Variants in ST8SIA1 observed in about 807,000 individuals in gnomAD.
ST8SIA1 encodes alpha-N-acetylneuraminide alpha-2,8-sialyltransferase.
A neutral mutation model predicts 35.9 loss-of-function variants in ST8SIA1; 16 were observed. The ratio of observed to expected loss-of-function variants is 0.45; its 90% CI spans 0.30 to 0.68. ST8SIA1 has a LOEUF of 0.68. Ranked by LOEUF, ST8SIA1 falls within the 30% of genes least tolerant of loss-of-function variation. ST8SIA1 has a pLI of 0.09. For synonymous variants in ST8SIA1, 170 were observed against 169.6 expected, an observed-to-expected ratio of 1.00 and a Z score of -0.02; for missense variants, 383 against 453.6, an observed-to-expected ratio of 0.84 and a Z score of 1.41.
At chr12:22,331,141 G>A (rs1242569906) in intron 1 of ST8SIA1, among the ~76,000 whole-genome samples, 1 of 152,180 alleles carries the variant, frequency 6.6e-6, no homozygotes, top group Non-Finnish European at 1.5e-5. Flanking sequence ...GTAAATGGAA[G>A]CACAGAGGGC....
At chr12:22,284,165 T>C (rs904975751) in intron 2 of ST8SIA1, among the ~76,000 whole-genome samples, 1 of 144,434 alleles carries the variant, frequency 6.9e-6, no homozygotes, top group East Asian at 2.0e-4. Context: ...TGCATCTTTG[T>C]ACCAACGACA....
chr12:22,198,407 A>G lies in ST8SIA1; in HGVS notation c.*3145T>C, dbSNP rs1221516248. ...AAACAAAGAAAGATAATGGGAGCTT[A>G]GAATTGAAGATCTTAATAATAGAGT... On this transcript the variant is annotated 3_prime_UTR_variant, in exon 5 of 5. Coordinates refer to ENST00000396037, the MANE Select transcript of ST8SIA1 (RefSeq NM_003034.4). The G allele has an allele frequency of 6.6e-6, 1 of 152,090 alleles. No homozygotes were observed. Among genetic ancestry groups the G allele is most frequent in the Non-Finnish European group, 1.5e-5 (1 of 68,014 alleles). The allele number at this position is 152,090 out of a possible 1,614,324, so 9.4% of individuals were successfully genotyped here.
At chr12:22,266,458 T>C (rs1865849618) in intron 2 of ST8SIA1, among the ~76,000 whole-genome samples, 1 of 151,632 alleles carries the variant, frequency 6.6e-6, no homozygotes, top group Middle Eastern at 3.4e-3. Flanking sequence ...GCCTTTATTG[T>C]TTCTCAGACA....
intron 1 of ST8SIA1, among the ~76,000 whole-genome samples, chr12:22,317,903 T>C (rs1866540433): frequency 6.6e-6 from 1 of 152,226 alleles, no homozygotes; most frequent in East Asian, 1.9e-4. Flanking sequence ...TAGACACAGC[T>C]GTAAAAATTC....
chr12:22,306,408 T>C (rs1866383636), intron 1 of ST8SIA1, among the ~76,000 whole-genome samples: 1 of 152,208 alleles, frequency 6.6e-6, no homozygotes, highest in African/African-American at 2.4e-5. Context: ...ATCTATTTCT[T>C]TCTTGAGAAA....
chr12:22,316,916 G>GAA (rs142418174), intron 1 of ST8SIA1, among the ~76,000 whole-genome samples: 22 of 149,754 alleles, frequency 1.5e-4, no homozygotes, highest in Non-Finnish European at 3.0e-4. Context: ...TCAGTATCGG[G>GAA]AAAAAAAAAC....
At chr12:22,202,127 A>C in intron 4 of ST8SIA1, 89 bp from the exon 5 acceptor site, 1 of 1,154,838 alleles carries the variant, frequency 8.7e-7, no homozygotes, top group Non-Finnish European at 1.2e-6. Context: ...TGGCCCTGAT[A>C]CCTCAAATCA....
intron 1 of ST8SIA1, among the ~76,000 whole-genome samples, chr12:22,323,535 A>G (rs980801347): frequency 6.6e-6 from 1 of 152,234 alleles, no homozygotes; most frequent in African/African-American, 2.4e-5. Flanking sequence ...AAATCATTCT[A>G]TTATAAAGAT....
rs541985051 is a variant in ST8SIA1 at position 22,315,482 on chromosome 12, T to A, written c.236+18515A>T. Among the ~76,000 whole-genome samples, 6 of 152,294 alleles carry A rather than the reference T, an allele frequency of 3.9e-5. No homozygotes were observed. In the East Asian group the frequency reaches 1.2e-3, roughly 29 times the overall value. ...CCTTTCTGAGCAGAACATCTATTTT[T>A]CCTCTTGCTTTCCATTTCCCCACAA... On this transcript the variant is annotated intron_variant, in intron 1 of 4. Transcript: ENST00000396037.
intron 2 of ST8SIA1, among the ~76,000 whole-genome samples, chr12:22,263,113 A>G (rs1464612359): frequency 6.6e-6 from 1 of 152,170 alleles, no homozygotes; most frequent in Non-Finnish European, 1.5e-5. Context: ...TATTTATGAG[A>G]ATTGAGTGCT....
chr12:22,247,901 A>G (rs189169836), intron 4 of ST8SIA1, among the ~76,000 whole-genome samples: 1 of 152,292 alleles, frequency 6.6e-6, no homozygotes, highest in Admixed American at 6.5e-5. Flanking sequence ...AAAAAATACA[A>G]AGGAGCAGAA....
intron 1 of ST8SIA1, among the ~76,000 whole-genome samples, chr12:22,287,852 G>A (rs1051296244): frequency 3.9e-5 from 6 of 152,194 alleles, no homozygotes; most frequent in Non-Finnish European, 8.8e-5. Flanking sequence ...GAAATAGAAT[G>A]AAATGAATGA....
intron 4 of ST8SIA1, among the ~76,000 whole-genome samples, chr12:22,238,285 G>A (rs1865498476): frequency 6.6e-6 from 1 of 152,158 alleles, no homozygotes; most frequent in Admixed American, 6.5e-5. Flanking sequence ...TCCCATGTAA[G>A]GCTATTAAAA....
chr12:22,226,490 A>T (rs56151147), intron 4 of ST8SIA1, among the ~76,000 whole-genome samples: 51,168 of 151,568 alleles, frequency 0.34, 9,014 homozygotes, highest in Middle Eastern at 0.59. Flanking sequence ...GGAAAGCCTT[A>T]TGGCTGTTAA....
chr12:22,322,603 C>G (rs568486786), intron 1 of ST8SIA1, among the ~76,000 whole-genome samples: 1 of 152,262 alleles, frequency 6.6e-6, no homozygotes, highest in East Asian at 1.9e-4. Flanking sequence ...AGACATATAT[C>G]AACAAGACTT....
At chr12:22,309,802 G>A (rs555989984) in intron 1 of ST8SIA1, among the ~76,000 whole-genome samples, 1 of 152,226 alleles carries the variant, frequency 6.6e-6, no homozygotes, top group South Asian at 2.1e-4. Context: ...AGTGAAGAAA[G>A]GAGGGCCTAC....
chr12:22,214,296 G>A (rs1270744669), intron 4 of ST8SIA1, among the ~76,000 whole-genome samples: 1 of 152,024 alleles, frequency 6.6e-6, no homozygotes, highest in East Asian at 1.9e-4. Flanking sequence ...TGGTCTGTGG[G>A]GATTTTGCAA....
intron 1 of ST8SIA1, among the ~76,000 whole-genome samples, chr12:22,304,039 G>A (rs1362818719): frequency 6.6e-6 from 1 of 152,206 alleles, no homozygotes; most frequent in Admixed American, 6.5e-5. Context: ...TCACGCTGCT[G>A]TTCCATAGCT....
intron 1 of ST8SIA1, among the ~76,000 whole-genome samples, chr12:22,310,586 G>A (rs1374867740): frequency 6.6e-6 from 1 of 152,110 alleles, no homozygotes; most frequent in Non-Finnish European, 1.5e-5. Context: ...TATGCTTTCT[G>A]GATATGTTGT....
Sources: gnomAD v4.1 joint callset for allele counts (sites outside exome capture counted in the v4.1 genomes callset) on GRCh38, gnomAD v4.1.1 for gene constraint, MANE v1.5 for transcripts, NCBI Gene and HGNC (gene_info 2026-07-23, HGNC 2026-07-21) for gene names.